Variants in SPART observed in about 807,000 individuals in gnomAD.
The protein encoded by SPART is spastic paraplegia 20 (Troyer syndrome).
In SPART, 35 loss-of-function variants were observed where a neutral mutation model predicts 58.7. The observed-to-expected ratio is 0.60, with a 90% CI of 0.46 to 0.79. The LOEUF (loss-of-function observed/expected upper bound fraction) is 0.79. Among genes scored for constraint, SPART ranks in the 30% least tolerant of loss-of-function variants. The pLI is 0.00. For missense variants in SPART, 730 were observed against 786.1 expected, an observed-to-expected ratio of 0.93 and a Z score of 0.85; for synonymous variants, 284 against 280.7, an observed-to-expected ratio of 1.01 and a Z score of -0.12.
intron 5 of SPART, among the ~76,000 whole-genome samples, chr13:36,317,662 T>C (rs1806976428): frequency 6.6e-6 from 1 of 151,958 alleles, no homozygotes; most frequent in Non-Finnish European, 1.5e-5. Context: ...TCCGTTTCTC[T>C]GCTCTCTCTT....
intron 1 of SPART, among the ~76,000 whole-genome samples, chr13:36,340,664 G>A (rs1235523734): frequency 6.6e-6 from 1 of 152,060 alleles, no homozygotes; most frequent in African/African-American, 2.4e-5. Flanking sequence ...GACTGATGAT[G>A]AGTTTCCAAG....
chr13:36,356,870 T>C (rs917027178), intron 1 of SPART, among the ~76,000 whole-genome samples: 1 of 152,220 alleles, frequency 6.6e-6, no homozygotes, highest in Non-Finnish European at 1.5e-5. Flanking sequence ...ATTTACTAAA[T>C]TGAAATTTGT....
chr13:36,301,765 C>CCAA lies in SPART; in HGVS notation c.*2597_*2599dup. 1 of 152,048 alleles carries CCAA rather than the reference C, an allele frequency of 6.6e-6. No individual in the cohort carries two copies. The allele number at this position is 152,048 out of a possible 1,614,324, so 9.4% of individuals were successfully genotyped here. ...GCATTATTTTGCAAAACTTGACAAGCCAACAACTCCACTCTTACGCATAAA... is the reference window on the plus strand; with the variant it reads ...GCATTATTTTGCAAAACTTGACAAGCCAACAACAACTCCACTCTTACGCATAAA... On this transcript the variant is annotated 3_prime_UTR_variant, in exon 9 of 9. Transcript: ENST00000438666.
intron 1 of SPART, among the ~76,000 whole-genome samples, chr13:36,364,052 A>G (rs753956560): frequency 6.6e-6 from 1 of 152,150 alleles, no homozygotes; most frequent in Non-Finnish European, 1.5e-5. Context: ...GTATAGATTC[A>G]TGGAACCACC....
At chr13:36,321,891 A>G (rs1882441838) in intron 5 of SPART, among the ~76,000 whole-genome samples, 2 of 152,158 alleles carry the variant, frequency 1.3e-5, no homozygotes, top group African/African-American at 4.8e-5. Context: ...AAAGAAGTGT[A>G]AATGGCCGGT....
At chr13:36,310,081 T>A (rs1425532147) in intron 8 of SPART, among the ~76,000 whole-genome samples, 1 of 152,174 alleles carries the variant, frequency 6.6e-6, no homozygotes, top group African/African-American at 2.4e-5. Flanking sequence ...AGGAGAGTAA[T>A]CTTTAACAAG....
intron 1 of SPART, among the ~76,000 whole-genome samples, chr13:36,353,411 A>G (rs1489638351): frequency 6.6e-6 from 1 of 152,190 alleles, no homozygotes; most frequent in Non-Finnish European, 1.5e-5. Context: ...GCAAATGTCA[A>G]TGCCCTCCAG....
At chr13:36,344,511 TAA>T (rs1349414879) in intron 1 of SPART, among the ~76,000 whole-genome samples, 2 of 152,276 alleles carry the variant, frequency 1.3e-5, no homozygotes, top group East Asian at 1.9e-4. Flanking sequence ...AGGTTATATA[TAA>T]GTCTAATGGT....
chr13:36,367,239 C>A (rs1886094668), intron 1 of SPART, among the ~76,000 whole-genome samples: 2 of 152,284 alleles, frequency 1.3e-5, no homozygotes, highest in South Asian at 4.1e-4. Context: ...CTGGGTCCAC[C>A]CAAACATGGA....
chr13:36,362,248 G>C (rs1367622312), intron 1 of SPART, among the ~76,000 whole-genome samples: 1 of 151,990 alleles, frequency 6.6e-6, no homozygotes, highest in East Asian at 1.9e-4. Flanking sequence ...CTATTCAGGA[G>C]GCTGAGGCAG....
chr13:36,327,686 G>A (rs1429404426), intron 4 of SPART, among the ~76,000 whole-genome samples: 2 of 152,162 alleles, frequency 1.3e-5, no homozygotes, highest in Non-Finnish European at 2.9e-5. Context: ...GACAACAGAA[G>A]TTAATAATTA....
At chr13:36,366,807 G>A (rs116385581) in intron 1 of SPART, among the ~76,000 whole-genome samples, 31,657 of 151,648 alleles carry the variant, frequency 0.21, 3,670 homozygotes, top group African/African-American at 0.29. Flanking sequence ...TATTTAAACC[G>A]GCATGAGGAC....
chr13:36,365,681 C>G (rs1448181862), intron 1 of SPART: 1 of 449,732 alleles, frequency 2.2e-6, no homozygotes, highest in African/African-American at 2.1e-5. Context: ...TTTGTATATA[C>G]TTGTAGATGC....
intron 2 of SPART, among the ~76,000 whole-genome samples, chr13:36,333,997 T>C (rs146292280): frequency 6.4e-4 from 97 of 152,268 alleles, no homozygotes; most frequent in African/African-American, 2.2e-3. Flanking sequence ...GTTGACTTCA[T>C]ATAAAAACTA....
Position 36,321,989 on chromosome 13 carries a change from A to AC in SPART, c.1288+4585dup, listed in dbSNP as rs1223481149. Among the ~76,000 whole-genome samples the AC allele has an allele frequency of 2.0e-4, 29 of 147,806 alleles. No homozygotes were observed. The South Asian group carries it at 2.0e-3, about 10-fold the overall frequency. On this transcript the variant is annotated intron_variant, in intron 5 of 8. Coordinates refer to ENST00000438666, the MANE Select transcript of SPART (RefSeq NM_015087.5). Reference sequence around the variant, plus strand: ...AAGCACCCCCACTGAGCACCTTGCGACCCCCACTCCTGCCCGCCAGAGAAC... The same window carrying AC: ...AAGCACCCCCACTGAGCACCTTGCGACCCCCCACTCCTGCCCGCCAGAGAAC...
upstream of SPART, among the ~76,000 whole-genome samples, chr13:36,347,497 C>T (rs1400062142): frequency 6.6e-6 from 1 of 152,192 alleles, no homozygotes; most frequent in East Asian, 1.9e-4. Context: ...AAGCGATCCA[C>T]CTGCCTCAGT....
At chr13:36,307,261 A>G (rs1481247564) in intron 8 of SPART, among the ~76,000 whole-genome samples, 2 of 152,192 alleles carry the variant, frequency 1.3e-5, no homozygotes, top group South Asian at 2.1e-4. Flanking sequence ...GTAGGCCTAA[A>G]TAAGTCAACG....
chr13:36,341,010 C>T (rs1884524890), intron 1 of SPART, among the ~76,000 whole-genome samples: 1 of 152,106 alleles, frequency 6.6e-6, no homozygotes, highest in African/African-American at 2.4e-5. Context: ...AGTTTATGTG[C>T]ATGCGACAAA....
chr13:36,340,495 A>T (rs1324322261), intron 1 of SPART, among the ~76,000 whole-genome samples: 1 of 152,200 alleles, frequency 6.6e-6, no homozygotes, highest in Non-Finnish European at 1.5e-5. Flanking sequence ...GAGAGAAGTA[A>T]GAGTGCTAAG....
Sources: allele counts gnomAD v4.1 joint callset (sites outside exome capture counted in the v4.1 genomes callset), GRCh38; gene constraint gnomAD v4.1.1; transcripts MANE v1.5; gene names NCBI Gene and HGNC (gene_info 2026-07-23, HGNC 2026-07-21).